Variants in PCDH15 observed in about 807,000 individuals in gnomAD.
The protein encoded by PCDH15 is protocadherin related 15.
A neutral mutation model predicts 178.5 loss-of-function variants in PCDH15; 129 were observed. That is an observed-to-expected ratio of 0.72 (90% CI 0.63 to 0.84). The LOEUF (loss-of-function observed/expected upper bound fraction) is 0.84. Ranked by LOEUF, PCDH15 falls within the 40% of genes least tolerant of loss-of-function variation. The pLI, the probability that PCDH15 is intolerant of heterozygous loss-of-function variation, is 0.00. For synonymous variants in PCDH15, 800 were observed against 732.0 expected (o/e 1.09, Z -1.50); for missense variants, 2,230 against 2,099.9 (o/e 1.06, Z -1.21).
intron 2 of PCDH15, among the ~76,000 whole-genome samples, chr10:54,960,098 G>A (rs937689079): frequency 6.6e-6 from 1 of 152,024 alleles, no homozygotes; most frequent in Non-Finnish European, 1.5e-5. Flanking sequence ...CCTGGAAAAT[G>A]CTTTATTCTT....
intron 2 of PCDH15, among the ~76,000 whole-genome samples, chr10:55,617,610 G>A (rs1335087807): frequency 2.0e-5 from 3 of 151,988 alleles, no homozygotes; most frequent in Non-Finnish European, 2.9e-5. Flanking sequence ...CTAACAATTA[G>A]TGCAAGCATA....
At chr10:54,002,197 C>T (rs1039845159) in intron 20 of PCDH15, among the ~76,000 whole-genome samples, 4 of 151,212 alleles carry the variant, frequency 2.6e-5, no homozygotes, top group South Asian at 2.1e-4. Context: ...ATATATAAAG[C>T]GAATATTATT....
chr10:53,986,852 A>C (rs2091137128), intron 21 of PCDH15, among the ~76,000 whole-genome samples: 1 of 152,198 alleles, frequency 6.6e-6, no homozygotes, highest in Admixed American at 6.5e-5. Flanking sequence ...AGGGTTATAA[A>C]GTTTTAATTG....
Position 54,273,377 on chromosome 10 carries a change from A to G in PCDH15, c.877-36446T>C, listed in dbSNP as rs538899325. On this transcript the variant is annotated intron_variant, in intron 8 of 37. Coordinates refer to ENST00000644397, the MANE Select transcript of PCDH15 (RefSeq NM_001384140.1). ...GAGAAAAAAGGAAGTAGTACAGTAAAAAAAAAAAGGTGATGCTTTAAAAAC... is the reference window on the plus strand; with the variant it reads ...GAGAAAAAAGGAAGTAGTACAGTAAGAAAAAAAAGGTGATGCTTTAAAAAC... Among the ~76,000 whole-genome samples, 4 of 87,542 alleles carry G rather than the reference A, an allele frequency of 4.6e-5. No individual in the cohort carries two copies. The East Asian group carries it at 6.0e-4, about 13-fold the overall frequency. The allele number at this position is 87,542 out of a possible 152,430, so 57.4% of individuals were successfully genotyped here.
chr10:55,127,303 A>T (rs1837926758), intron 2 of PCDH15, among the ~76,000 whole-genome samples: 1 of 152,046 alleles, frequency 6.6e-6, no homozygotes, highest in Non-Finnish European at 1.5e-5. Context: ...TATACCTTAA[A>T]TATTTTTCCT....
chr10:55,206,276 T>C (rs988487106), intron 1 of PCDH15, among the ~76,000 whole-genome samples: 2 of 152,114 alleles, frequency 1.3e-5, no homozygotes, highest in Non-Finnish European at 2.9e-5. Flanking sequence ...GCACTCCAAA[T>C]CTGGAAAACT....
intron 25 of PCDH15, among the ~76,000 whole-genome samples, chr10:53,913,578 C>CA (rs55917688): frequency 7.2e-4 from 102 of 142,604 alleles, no homozygotes; most frequent in South Asian, 4.4e-3. Context: ...CTAAAAGATA[C>CA]AAAAAAAAAA....
intron 3 of PCDH15, among the ~76,000 whole-genome samples, chr10:54,831,964 C>A (rs953037226): frequency 6.6e-6 from 1 of 152,040 alleles, no homozygotes; most frequent in African/African-American, 2.4e-5. Context: ...TAACCTGATG[C>A]ACAACCTAAA....
intron 5 of PCDH15, among the ~76,000 whole-genome samples, chr10:54,347,934 T>C (rs1287058838): frequency 1.3e-5 from 2 of 152,068 alleles, no homozygotes; most frequent in African/African-American, 4.8e-5. Flanking sequence ...CTGCAAGCTC[T>C]GCCTCCCGGG....
chr10:54,278,839 C>T (rs2058501785), intron 8 of PCDH15, among the ~76,000 whole-genome samples: 1 of 151,564 alleles, frequency 6.6e-6, no homozygotes, highest in South Asian at 2.1e-4. Flanking sequence ...ATTTGTTCAG[C>T]ATGCCCCAAG....
intron 24 of PCDH15, 136 bp from the exon 25 acceptor site, chr10:53,939,091 T>C: frequency 2.4e-6 from 2 of 820,348 alleles, no homozygotes; most frequent in Non-Finnish European, 3.9e-6. Context: ...AGTGACAAAA[T>C]GCTGGCTTTT....
chr10:53,806,629 G>A lies in PCDH15; in HGVS notation c.5173C>T (p.Leu1725Phe). The change falls in exon 38 of 38, where the codon CTT becomes TTT. Residue 1725 changes from leucine (L) to phenylalanine (F), a missense_variant. Leu to Phe is a conservative substitution (Grantham distance 22). Coordinates refer to ENST00000644397, the MANE Select transcript of PCDH15 (RefSeq NM_001384140.1). ...AGGTTGTTCCAGGGGCCCATCCAAA[G>A]CTCTTCATCATCAGACTGTGTGTGG... is the stretch of plus-strand genomic sequence containing the variant. ...SDHTQSDDEE[L>F]WMGPWNNLHI... 1 of 1,613,716 alleles carries A rather than the reference G, an allele frequency of 6.2e-7. No homozygotes were observed. The highest frequency in any genetic ancestry group is 8.5e-7 in the Non-Finnish European group (1 of 1,179,752).
chr10:55,295,693 G>T (rs1223373432), intron 1 of PCDH15, among the ~76,000 whole-genome samples: 2 of 152,092 alleles, frequency 1.3e-5, no homozygotes, highest in African/African-American at 4.8e-5. Context: ...GAGGTAAAAA[G>T]AAAACTTTAT....
chr10:54,220,718 C>T (rs1017495627), intron 9 of PCDH15, among the ~76,000 whole-genome samples: 1 of 151,432 alleles, frequency 6.6e-6, no homozygotes, highest in African/African-American at 2.4e-5. Flanking sequence ...CTAGCTACTC[C>T]GGAGGCTGAC....
chr10:54,329,271 T>C (rs1028158426), intron 7 of PCDH15, among the ~76,000 whole-genome samples: 10 of 152,044 alleles, frequency 6.6e-5, no homozygotes, highest in African/African-American at 2.4e-4. Context: ...TCCAGAAATA[T>C]GTATATTTAA....
intron 25 of PCDH15, chr10:53,905,296 C>A: frequency 2.0e-6 from 1 of 501,582 alleles, no homozygotes; most frequent in Non-Finnish European, 4.0e-6. Flanking sequence ...TACATTAAAT[C>A]AAATGTTAAA....
chr10:55,311,388 C>T (rs1843582478), intron 1 of PCDH15, among the ~76,000 whole-genome samples: 1 of 152,150 alleles, frequency 6.6e-6, no homozygotes, highest in African/African-American at 2.4e-5. Context: ...AGAGTGCCTC[C>T]ATAGCGGTGA....
chr10:54,571,333 G>T, intron 2 of PCDH15, among the ~76,000 whole-genome samples: 1 of 128,592 alleles, frequency 7.8e-6, no homozygotes, highest in Admixed American at 8.2e-5. Flanking sequence ...GACAAAATTT[G>T]AAAAAAAAAA....
intron 2 of PCDH15, among the ~76,000 whole-genome samples, chr10:55,560,651 A>G (rs1842179251): frequency 6.6e-6 from 1 of 151,916 alleles, no homozygotes; most frequent in Admixed American, 6.6e-5. Context: ...TCAGTAATGA[A>G]AAAGAGTAAT....
Sources: gnomAD v4.1 joint callset for allele counts (sites outside exome capture counted in the v4.1 genomes callset) on GRCh38, gnomAD v4.1.1 for gene constraint, MANE v1.5 for transcripts, NCBI Gene and HGNC (gene_info 2026-07-23, HGNC 2026-07-21) for gene names.